FGF2: variants seen among roughly 807,000 people sequenced by gnomAD.
FGF2 encodes basic fibroblast growth factor bFGF.
A neutral mutation model predicts 15.9 loss-of-function variants in FGF2; 13 were observed. The ratio of observed to expected loss-of-function variants is 0.82; its 90% confidence interval spans 0.53 to 1.30. The LOEUF is 1.30. Ranked by LOEUF, FGF2 falls within the 50% of genes most tolerant of loss-of-function variation. The pLI is 0.00. For synonymous variants in FGF2, 90 were observed against 78.4 expected (o/e 1.15, Z -0.78); for missense variants, 163 against 196.9 (o/e 0.83, Z 1.03).
chr4:122,845,591 G>T (rs959343614), intron 1 of FGF2, among the ~76,000 whole-genome samples: 15 of 152,208 alleles, frequency 9.9e-5, no homozygotes, highest in Non-Finnish European at 1.5e-4. Context: ...AGCACTGTCT[G>T]TGTTACCTTG....
chr4:122,889,550 T>A (rs1359466395), intron 2 of FGF2, among the ~76,000 whole-genome samples: 2 of 152,178 alleles, frequency 1.3e-5, no homozygotes, highest in African/African-American at 4.8e-5. Flanking sequence ...CTGTTAGACA[T>A]CTACTTTTCT....
At chr4:122,870,139 T>G (rs1560751429) in intron 1 of FGF2, among the ~76,000 whole-genome samples, 1 of 152,252 alleles carries the variant, frequency 6.6e-6, no homozygotes, top group Non-Finnish European at 1.5e-5. Flanking sequence ...TTACATTTAT[T>G]GATTTGTGTA....
intron 1 of FGF2, among the ~76,000 whole-genome samples, chr4:122,858,131 G>C (rs1726377052): frequency 6.6e-6 from 1 of 152,180 alleles, no homozygotes; most frequent in South Asian, 2.1e-4. Context: ...AACTATCTGG[G>C]TGTCTAATGT....
chr4:122,888,573 C>G (rs1727104891), intron 2 of FGF2: 1 of 152,240 alleles, frequency 6.6e-6, no homozygotes, highest in Non-Finnish European at 1.5e-5. Context: ...CCACATTGGC[C>G]TACTTGCTAC....
chr4:122,877,501 C>T (rs1038971923), intron 2 of FGF2, among the ~76,000 whole-genome samples: 9 of 152,162 alleles, frequency 5.9e-5, no homozygotes, highest in African/African-American at 1.7e-4. Context: ...AGTACAGGCT[C>T]CCTGTCAACT....
chr4:122,891,574 G>A (rs932858266), intron 2 of FGF2, among the ~76,000 whole-genome samples: 7 of 151,882 alleles, frequency 4.6e-5, no homozygotes, highest in African/African-American at 1.7e-4. Context: ...GTAATATAAT[G>A]TTCCAATATT....
At chr4:122,836,658 A>C (rs1467027801) in intron 1 of FGF2, among the ~76,000 whole-genome samples, 1 of 152,186 alleles carries the variant, frequency 6.6e-6, no homozygotes, top group Non-Finnish European at 1.5e-5. Flanking sequence ...TTGCTGAATG[A>C]GTGACCAGTC....
intron 2 of FGF2, among the ~76,000 whole-genome samples, chr4:122,885,960 C>T (rs1160563143): frequency 2.1e-5 from 3 of 141,552 alleles, no homozygotes; most frequent in Non-Finnish European, 3.0e-5. Flanking sequence ...GCTCTGTCTC[C>T]CAGGCTGGAG....
At chr4:122,849,462 G>A (rs1726182859) in intron 1 of FGF2, among the ~76,000 whole-genome samples, 1 of 152,068 alleles carries the variant, frequency 6.6e-6, no homozygotes, top group Non-Finnish European at 1.5e-5. Context: ...GGGGTGGGGG[G>A]CTAGGGGAGG....
Position 122,893,058 on chromosome 4 carries a change from C to T in FGF2, c.*662C>T. On this transcript the variant is annotated 3_prime_UTR_variant, in exon 3 of 3. Coordinates refer to ENST00000644866, the MANE Select transcript of FGF2 (RefSeq NM_001361665.2). The stretch of plus-strand genomic sequence containing the variant: ...ATCCACTCACATCTTAAGCATTCTT[C>T]CTGGCAAAAATTTATGGTGAATGAA... The T allele has an allele frequency of 6.2e-7, 1 of 1,614,128 alleles. No homozygotes were observed. The highest frequency in any genetic ancestry group is 8.5e-7 in the Non-Finnish European group (1 of 1,180,032).
intron 1 of FGF2, among the ~76,000 whole-genome samples, chr4:122,853,625 C>T (rs1726278667): frequency 6.9e-6 from 1 of 145,904 alleles, no homozygotes; most frequent in Admixed American, 6.7e-5. Context: ...AATATTTAAA[C>T]ATCTTGAACT....
At chr4:122,868,288 A>G (rs964746243) in intron 1 of FGF2, among the ~76,000 whole-genome samples, 3 of 152,042 alleles carry the variant, frequency 2.0e-5, no homozygotes, top group Admixed American at 6.6e-5. Flanking sequence ...ACCCCACAAC[A>G]GGCCCTGGTG....
At chr4:122,872,439 G>T (rs1239199639) in intron 1 of FGF2, among the ~76,000 whole-genome samples, 1 of 150,634 alleles carries the variant, frequency 6.6e-6, no homozygotes, top group Non-Finnish European at 1.5e-5. Context: ...GAAACAAGCT[G>T]GAAAACACAC....
intron 2 of FGF2, chr4:122,883,297 A>G (rs535791439): frequency 6.6e-6 from 1 of 152,316 alleles, no homozygotes; most frequent in African/African-American, 2.4e-5. Context: ...TTGATTACCA[A>G]TTAGAGTATG....
At chr4:122,836,924 C>G (rs764327935) in intron 1 of FGF2, among the ~76,000 whole-genome samples, 1 of 152,176 alleles carries the variant, frequency 6.6e-6, no homozygotes, top group Non-Finnish European at 1.5e-5. Context: ...CATTAATGCT[C>G]AGTTCTAGAA....
At chr4:122,858,572 T>C (rs140635400) in intron 1 of FGF2, among the ~76,000 whole-genome samples, 3 of 152,184 alleles carry the variant, frequency 2.0e-5, no homozygotes, top group Non-Finnish European at 2.9e-5. Context: ...TAGTTTTTTG[T>C]ATTTTAATAG....
At chr4:122,836,141 G>A (rs308405) in intron 1 of FGF2, among the ~76,000 whole-genome samples, 9,407 of 152,274 alleles carry the variant, frequency 0.062, 522 homozygotes, top group South Asian at 0.2. Flanking sequence ...TATGTGTCTG[G>A]CTTCTGCACT....
In FGF2 at chr4:122,826,862, C is replaced by G. The variant is rs902408256; in HGVS notation, c.-313C>G. 34 of 1,513,374 alleles carry G rather than the reference C, an allele frequency of 2.2e-5. No individual in the cohort carries two copies. Among genetic ancestry groups the G allele is most frequent in the Non-Finnish European group, 2.7e-5 (31 of 1,130,994 alleles). The allele number at this position is 1,513,374 out of a possible 1,614,324, so 93.7% of individuals were successfully genotyped here. A position where few individuals can be genotyped will look rare whatever the true frequency, so the allele number is the denominator to read the frequency against. ...TTAGCGGACGCGGTGCCCGCGGTTG[C>G]AACGGGATCCCGGGCGCTGCAGCTT... On this transcript the variant is annotated 5_prime_UTR_variant, in exon 1 of 3. Transcript: ENST00000644866.
At chr4:122,858,484 G>A (rs1486161315) in intron 1 of FGF2, among the ~76,000 whole-genome samples, 2 of 151,922 alleles carry the variant, frequency 1.3e-5, no homozygotes, top group Non-Finnish European at 2.9e-5. Flanking sequence ...TGCAACTTCC[G>A]CCTCCTGGGT....
Sources: allele counts gnomAD v4.1 joint callset (sites outside exome capture counted in the v4.1 genomes callset), GRCh38; gene constraint gnomAD v4.1.1; transcripts MANE v1.5; gene names NCBI Gene and HGNC (gene_info 2026-07-23, HGNC 2026-07-21).